REEP1: variants seen among roughly 807,000 people sequenced by gnomAD.
REEP1 encodes the protein receptor accessory protein 1, also known as receptor expression-enhancing protein 1.
In REEP1, 22 loss-of-function variants were observed where a neutral mutation model predicts 40.3. The ratio of observed to expected loss-of-function variants is 0.55; its 90% CI spans 0.39 to 0.78. The LOEUF is 0.78. Among genes scored for constraint, REEP1 ranks in the 30% least tolerant of loss-of-function variants. The pLI is 0.00. For synonymous variants in REEP1, 116 were observed against 139.2 expected, an observed-to-expected ratio of 0.83 and a Z score of 1.17; for missense variants, 280 against 361.1, an observed-to-expected ratio of 0.78 and a Z score of 1.82.
intron 1 of REEP1, among the ~76,000 whole-genome samples, chr2:86,299,369 C>T (rs927091999): frequency 6.6e-6 from 1 of 152,190 alleles, no homozygotes; most frequent in Non-Finnish European, 1.5e-5. Flanking sequence ...TTAGATGACC[C>T]CACTCCAAGT....
intron 2 of REEP1, among the ~76,000 whole-genome samples, chr2:86,272,253 T>G (rs1025199946): frequency 1.3e-5 from 2 of 152,190 alleles, no homozygotes; most frequent in African/African-American, 4.8e-5. Flanking sequence ...CTTTCCTTGA[T>G]GCAACCCTTA....
At chr2:86,217,375 A>C (rs1674172712) in intron 8 of REEP1, among the ~76,000 whole-genome samples, 2 of 152,180 alleles carry the variant, frequency 1.3e-5, no homozygotes, top group Admixed American at 1.3e-4. Flanking sequence ...GGTTGTGCAG[A>C]ATGACACATC....
rs185640498 is a variant in REEP1 at position 86,255,377 on chromosome 2, A to G, written c.183-563T>C. Among the ~76,000 whole-genome samples the G allele has an allele frequency of 7.2e-5, 11 of 152,228 alleles. No homozygotes were observed. In the East Asian group the frequency reaches 2.1e-3, roughly 29 times the overall value. On this transcript the variant is annotated intron_variant, in intron 3 of 8. Transcript: ENST00000538924. ...AGCTCTTGGCAGGAAGGAGAATGCT[A>G]CTCACCCTACTCAAGTCAATGGCAG...
chr2:86,290,776 ATCTGGGAAAAGAGATCCT>A (rs1221950179), intron 1 of REEP1, among the ~76,000 whole-genome samples: 2 of 152,190 alleles, frequency 1.3e-5, no homozygotes, highest in South Asian at 4.1e-4. Flanking sequence ...TAGAAGCTTA[ATCTGGGAAAAGAGATCCT>A]CCGTCTGAGC....
At chr2:86,312,924 A>T (rs1458059318) in intron 1 of REEP1, among the ~76,000 whole-genome samples, 1 of 152,196 alleles carries the variant, frequency 6.6e-6, no homozygotes, top group African/African-American at 2.4e-5. Flanking sequence ...CACACTGCCA[A>T]TGACTACTCA....
intron 5 of REEP1, among the ~76,000 whole-genome samples, chr2:86,242,967 G>A (rs1675743479): frequency 6.6e-6 from 1 of 152,260 alleles, no homozygotes; most frequent in Admixed American, 6.5e-5. Context: ...CATCAGAATG[G>A]TGGGACACAC....
chr2:86,326,944 C>T (rs1680537775), intron 1 of REEP1, among the ~76,000 whole-genome samples: 1 of 152,198 alleles, frequency 6.6e-6, no homozygotes, highest in Non-Finnish European at 1.5e-5. Flanking sequence ...AAAACATTTT[C>T]AGAACATGGA....
At chr2:86,256,946 C>G (rs1010685479) in intron 3 of REEP1, among the ~76,000 whole-genome samples, 1 of 152,132 alleles carries the variant, frequency 6.6e-6, no homozygotes, top group Admixed American at 6.6e-5. Context: ...ACACAGACAC[C>G]CCTATCCCCC....
intron 1 of REEP1, among the ~76,000 whole-genome samples, chr2:86,329,496 A>C (rs1015281310): frequency 6.6e-6 from 1 of 152,120 alleles, no homozygotes; most frequent in African/African-American, 2.4e-5. Flanking sequence ...ACCTCTCAGA[A>C]CCAGAAAGCA....
chr2:86,250,361 A>C (rs1676202920), intron 5 of REEP1, among the ~76,000 whole-genome samples: 1 of 152,186 alleles, frequency 6.6e-6, no homozygotes, highest in Non-Finnish European at 1.5e-5. Flanking sequence ...AGAGGCTGAG[A>C]CAGGGTTTCC....
chr2:86,265,941 C>CA (rs1367245633), intron 2 of REEP1, among the ~76,000 whole-genome samples: 2 of 151,866 alleles, frequency 1.3e-5, no homozygotes, highest in African/African-American at 4.8e-5. Context: ...GCTATAAACA[C>CA]AAAAAAATAA....
At chr2:86,311,201 GA>G (rs1679747878) in intron 1 of REEP1, among the ~76,000 whole-genome samples, 2 of 152,142 alleles carry the variant, frequency 1.3e-5, no homozygotes, top group Non-Finnish European at 2.9e-5. Context: ...AAATAATTGT[GA>G]GCACTAGAAA....
At chr2:86,228,492 C>T (rs1432118847) in intron 6 of REEP1, among the ~76,000 whole-genome samples, 1 of 147,506 alleles carries the variant, frequency 6.8e-6, no homozygotes, top group African/African-American at 2.5e-5. Context: ...GAGTTTCACT[C>T]TTGTTGCCCA....
intron 2 of REEP1, among the ~76,000 whole-genome samples, chr2:86,273,086 C>T (rs1169741556): frequency 6.6e-6 from 1 of 151,108 alleles, no homozygotes; most frequent in Admixed American, 6.6e-5. Flanking sequence ...ATAATCACAG[C>T]TCTGTGATTA....
At chr2:86,256,527 C>T (rs887326293) in intron 3 of REEP1, among the ~76,000 whole-genome samples, 4 of 152,038 alleles carry the variant, frequency 2.6e-5, no homozygotes, top group Non-Finnish European at 4.4e-5. Context: ...CCCATATACC[C>T]CAGAGCCTAC....
rs1409932805 is a variant in REEP1, at chr2:86,337,534, C to G, written c.-24G>C. 1 of 1,250,022 alleles carries G rather than the reference C, an allele frequency of 8.0e-7. No individual in the cohort carries two copies. Among genetic ancestry groups the G allele is most frequent in the Non-Finnish European group, 1.0e-6 (1 of 995,354 alleles). 77.4% of individuals were successfully genotyped at this position (1,250,022 alleles called of 1,614,324 possible). A position where few individuals can be genotyped will look rare whatever the true frequency, so the allele number is the denominator to read the frequency against. On this transcript the variant is annotated 5_prime_UTR_variant, in exon 1 of 9. Transcript: ENST00000538924. This position sits in a 1 kb window ranked among gnomAD's most constrained non-coding sequence, Gnocchi z 5.8. ...ATGGCGGGCAGGCGGGCGGGCGAGG[C>G]CCGGGCGGCGCGGCTCGGCTAGGCT...
chr2:86,337,625 C>T lies in REEP1; in HGVS notation c.-115G>A. Reference sequence around the variant, plus strand: ...TCAGCTCACGGCAGCCGCCGCCAGACTGAGCGCGCCCGCCGCCCTGCCCGG... The same window carrying T: ...TCAGCTCACGGCAGCCGCCGCCAGATTGAGCGCGCCCGCCGCCCTGCCCGG... On this transcript the variant is annotated 5_prime_UTR_variant, in exon 1 of 9. Transcript: ENST00000538924. This position sits in a 1 kb window ranked among gnomAD's most constrained non-coding sequence, Gnocchi z 5.8. 2 of 1,103,532 alleles carry T rather than the reference C, an allele frequency of 1.8e-6. No individual in the cohort carries two copies. The highest frequency in any genetic ancestry group is 5.1e-5 in the East Asian group (1 of 19,456). 68.4% of individuals were successfully genotyped at this position (1,103,532 alleles called of 1,614,324 possible). A position where few individuals can be genotyped will look rare whatever the true frequency, so the allele number is the denominator to read the frequency against.
At position 86,337,518 on chromosome 2, in the gene REEP1, A is replaced by AGGCG. The variant is rs753297372; in HGVS notation, c.-12_-9dup. On this transcript the variant is annotated 5_prime_UTR_variant, in exon 1 of 9. Coordinates refer to ENST00000538924, the MANE Select transcript of REEP1 (RefSeq NM_001371279.1). This position sits in a 1 kb window ranked among gnomAD's most constrained non-coding sequence, Gnocchi z 5.8. ...GATGATCCATGACACCATGGCGGGC[A>AGGCG]GGCGGGCGGGCGAGGCCCGGGCGGC... is the stretch of plus-strand genomic sequence containing the variant. 7.0e-6 allele frequency: 9 copies of AGGCG among 1,279,558 alleles called. No individual in the cohort carries two copies. Among genetic ancestry groups the AGGCG allele is most frequent in the South Asian group, 5.1e-5 (2 of 39,424 alleles). The allele number at this position is 1,279,558 out of a possible 1,614,324, so 79.3% of individuals were successfully genotyped here.
At chr2:86,285,233 C>T (rs1678325843) in intron 1 of REEP1, among the ~76,000 whole-genome samples, 1 of 152,190 alleles carries the variant, frequency 6.6e-6, no homozygotes, top group Non-Finnish European at 1.5e-5. Context: ...AATGTTAGCA[C>T]AGGATCTTTC....
Sources: allele counts gnomAD v4.1 joint callset (sites outside exome capture counted in the v4.1 genomes callset), GRCh38; gene constraint gnomAD v4.1.1; non-coding constraint Gnocchi (gnomAD v3.1); transcripts MANE v1.5; gene names NCBI Gene and HGNC (gene_info 2026-07-23, HGNC 2026-07-21).